The following NUDCD1 variants were observed in gnomAD, a reference collection of about 807,000 sequenced individuals.
NUDCD1 encodes nudC domain-containing protein 1.
Under a neutral mutation model 67.8 loss-of-function variants are expected in NUDCD1, and 60 were observed. The observed-to-expected ratio is 0.88, with a 90% CI of 0.72 to 1.10. The LOEUF (loss-of-function observed/expected upper bound fraction) is 1.10, where lower values mean the gene tolerates loss of function less well. Among genes scored for constraint, NUDCD1 ranks in the 50% least tolerant of loss-of-function variants. NUDCD1 has a pLI of 0.00. For missense variants in NUDCD1, 643 were observed against 695.0 expected, an observed-to-expected ratio of 0.93 and a Z score of 0.84; for synonymous variants, 244 against 230.8, an observed-to-expected ratio of 1.06 and a Z score of -0.52.
intron 9 of NUDCD1, among the ~76,000 whole-genome samples, chr8:109,245,026 A>G (rs1473634034): frequency 6.6e-6 from 1 of 152,208 alleles, no homozygotes; most frequent in Non-Finnish European, 1.5e-5. Context: ...CTCCAGTATT[A>G]TATGGCTTAC....
intron 2 of NUDCD1, among the ~76,000 whole-genome samples, chr8:109,307,826 T>C (rs1586297628): frequency 6.6e-6 from 1 of 152,182 alleles, no homozygotes; most frequent in Non-Finnish European, 1.5e-5. Flanking sequence ...GTAGCTATTC[T>C]TATATCAGAT....
chr8:109,241,390 A>C lies in NUDCD1; in HGVS notation c.*1619T>G, dbSNP rs2129835693. Reference sequence around the variant, plus strand: ...AATTTAGATCTACTTTCCCATCATAAAGATTTTTAATAATTCACTATTTAA... The same window carrying C: ...AATTTAGATCTACTTTCCCATCATACAGATTTTTAATAATTCACTATTTAA... On this transcript the variant is annotated 3_prime_UTR_variant, in exon 10 of 10. Transcript: ENST00000239690. 6.6e-6 allele frequency: 1 copy of C among 152,294 alleles called. No individual in the cohort carries two copies. The highest frequency in any genetic ancestry group is 1.9e-4 in the East Asian group (1 of 5,184). 9.4% of individuals were successfully genotyped at this position (152,294 alleles called of 1,614,324 possible).
intron 8 of NUDCD1, among the ~76,000 whole-genome samples, chr8:109,262,195 T>C (rs1217107849): frequency 6.6e-6 from 1 of 152,238 alleles, no homozygotes; most frequent in Non-Finnish European, 1.5e-5. Context: ...CTTCTGTATG[T>C]TTTGAAAGCG....
chr8:109,307,849 A>G (rs929419993), intron 2 of NUDCD1, among the ~76,000 whole-genome samples: 1 of 152,246 alleles, frequency 6.6e-6, no homozygotes, highest in African/African-American at 2.4e-5. Flanking sequence ...AACAAACTTT[A>G]AAGCAACAGC....
intron 2 of NUDCD1, among the ~76,000 whole-genome samples, chr8:109,302,855 C>T (rs1235775954): frequency 6.6e-6 from 1 of 152,156 alleles, no homozygotes; most frequent in Non-Finnish European, 1.5e-5. Flanking sequence ...TTACCCAACC[C>T]ACTCCCTACA....
intron 5 of NUDCD1, among the ~76,000 whole-genome samples, chr8:109,288,530 G>A (rs1814625824): frequency 6.6e-6 from 1 of 152,104 alleles, no homozygotes; most frequent in African/African-American, 2.4e-5. Context: ...GGTATTAAAA[G>A]TCTAAAGAAA....
intron 8 of NUDCD1, 78 bp downstream of exon 8, chr8:109,270,927 T>C (rs889642606): frequency 1.1e-5 from 10 of 943,770 alleles, no homozygotes; most frequent in African/African-American, 1.7e-5. Flanking sequence ...TCAAGTATCT[T>C]TGAAAAACAT....
At chr8:109,305,168 C>T (rs1815075067) in intron 2 of NUDCD1, among the ~76,000 whole-genome samples, 2 of 152,184 alleles carry the variant, frequency 1.3e-5, no homozygotes, top group South Asian at 4.1e-4. Flanking sequence ...GAATTTGTCT[C>T]TGCCCCGGAC....
At chr8:109,287,328 C>T (rs569839988) in intron 5 of NUDCD1, among the ~76,000 whole-genome samples, 4 of 152,200 alleles carry the variant, frequency 2.6e-5, no homozygotes, top group East Asian at 1.9e-4. Flanking sequence ...CATAAAGACA[C>T]GTGTGCTAGT....
chr8:109,301,193 T>C (rs535052778), intron 2 of NUDCD1, among the ~76,000 whole-genome samples: 1 of 152,184 alleles, frequency 6.6e-6, no homozygotes, highest in Non-Finnish European at 1.5e-5. Flanking sequence ...TCTTAACTGA[T>C]GACATTCCAC....
At chr8:109,311,219 T>C (rs1043360252) in intron 2 of NUDCD1, among the ~76,000 whole-genome samples, 2 of 152,192 alleles carry the variant, frequency 1.3e-5, no homozygotes, top group African/African-American at 4.8e-5. Flanking sequence ...TACAATGCGA[T>C]ACCCCCAACT....
chr8:109,248,938 C>T (rs1813561970), intron 8 of NUDCD1, among the ~76,000 whole-genome samples: 1 of 152,024 alleles, frequency 6.6e-6, no homozygotes, highest in Non-Finnish European at 1.5e-5. Context: ...ACACTCTATG[C>T]CATATGCAAA....
chr8:109,301,932 T>C (rs1290395129), intron 2 of NUDCD1, among the ~76,000 whole-genome samples: 1 of 152,172 alleles, frequency 6.6e-6, no homozygotes, highest in Non-Finnish European at 1.5e-5. Context: ...TTCACCAACA[T>C]TCCTTTGGTG....
chr8:109,277,837 A>G (rs1814333218), intron 6 of NUDCD1, among the ~76,000 whole-genome samples: 1 of 152,204 alleles, frequency 6.6e-6, no homozygotes, highest in Non-Finnish European at 1.5e-5. Context: ...ACTCACATAC[A>G]CATAAACATA....
In NUDCD1 at chr8:109,243,232, AG is replaced by A. The variant is rs1813414828; in HGVS notation, c.1528del (p.Leu510PhefsTer30). The A allele has an allele frequency of 2.5e-6, 4 of 1,612,842 alleles. No homozygotes were observed. The highest frequency in any genetic ancestry group is 3.4e-6 in the Non-Finnish European group (4 of 1,179,132). On this transcript the variant is annotated frameshift_variant, in exon 10 of 10. Transcript: ENST00000239690. LOFTEE classifies it high-confidence loss of function. ...GAATACTCGACGAAGGCACTCACAAAGGGCTGCATACGAGTAATTTGGAGCA... is the reference window on the plus strand; with the variant it reads ...GAATACTCGACGAAGGCACTCACAAAGGCTGCATACGAGTAATTTGGAGCA... ...ACAPNYSYAA[L>X]CECLRRVFIY... is the part of the protein sequence containing the mutation.
At position 109,273,426 on chromosome 8, in the gene NUDCD1, TAGA is replaced by T. The variant is rs1054647889; in HGVS notation, c.1173+1923_1173+1925del. 6.8e-4 allele frequency among the ~76,000 whole-genome samples: 103 copies of T among 152,208 alleles called. 1 individual carries two copies. Among genetic ancestry groups the T allele is most frequent in the Middle Eastern group, 3.4e-3 (1 of 294 alleles). ...TAGAGAATGCAGCTACAGTAGTGCT[TAGA>T]AGGATATGTACAACATTAAGTGCTT... is the stretch of plus-strand genomic sequence containing the variant. On this transcript the variant is annotated intron_variant, in intron 7 of 9. Coordinates refer to ENST00000239690, the MANE Select transcript of NUDCD1 (RefSeq NM_032869.4).
At chr8:109,318,291 A>C (rs1221091015) in intron 2 of NUDCD1, among the ~76,000 whole-genome samples, 1 of 152,238 alleles carries the variant, frequency 6.6e-6, no homozygotes, top group Non-Finnish European at 1.5e-5. Flanking sequence ...CCATAATGTC[A>C]TCTGACTTCG....
At chr8:109,329,732 A>C in intron 1 of NUDCD1, 2 of 1,350,884 alleles carry the variant, frequency 1.5e-6, no homozygotes, top group South Asian at 2.6e-5. Context: ...GTACATTTTA[A>C]ATTTGTAGTT....
At chr8:109,319,253 G>A (rs979960513) in intron 2 of NUDCD1, among the ~76,000 whole-genome samples, 18 of 152,270 alleles carry the variant, frequency 1.2e-4, no homozygotes, top group African/African-American at 2.6e-4. Flanking sequence ...GATTACAGGC[G>A]TGAGCCACCG....
Sources: gnomAD v4.1 joint callset for allele counts (sites outside exome capture counted in the v4.1 genomes callset) on GRCh38, gnomAD v4.1.1 for gene constraint, MANE v1.5 for transcripts, NCBI Gene and HGNC (gene_info 2026-07-23, HGNC 2026-07-21) for gene names.